Variants in TEX10 observed in about 807,000 individuals in gnomAD.
The protein encoded by TEX10 is testis-expressed protein 10.
TEX10 carries 24 observed loss-of-function variants against 104.4 expected under a neutral mutation model. The ratio of observed to expected loss-of-function variants is 0.23; its 90% CI spans 0.17 to 0.32. The LOEUF (loss-of-function observed/expected upper bound fraction) is 0.32, where lower values mean the gene tolerates loss of function less well. TEX10 is among the 10% of genes least tolerant of loss of function. The pLI, the probability that TEX10 is intolerant of heterozygous loss-of-function variation, is 1.00. For missense variants in TEX10, 921 were observed against 1,083.9 expected (o/e 0.85, Z 2.11); for synonymous variants, 396 against 393.4 (o/e 1.01, Z -0.08).
intron 8 of TEX10, among the ~76,000 whole-genome samples, chr9:100,327,374 TTA>T (rs1458600711): frequency 1.3e-5 from 2 of 151,752 alleles, no homozygotes; most frequent in African/African-American, 2.4e-5. Context: ...TACATCCCAG[TTA>T]TGTTTTAATA....
chr9:100,314,816 T>TA (rs529459956), intron 11 of TEX10, among the ~76,000 whole-genome samples: 80 of 152,350 alleles, frequency 5.3e-4, no homozygotes, highest in African/African-American at 1.9e-3. Context: ...GGTTGCTGAT[T>TA]AGTTATCTTT....
At chr9:100,330,635 G>A (rs1315563609) in intron 5 of TEX10, among the ~76,000 whole-genome samples, 1 of 152,130 alleles carries the variant, frequency 6.6e-6, no homozygotes, top group Non-Finnish European at 1.5e-5. Context: ...ACCCCGGTAA[G>A]CACTGATTTG....
In TEX10 at chr9:100,302,167, C is replaced by A; in HGVS notation, c.*24G>T. 10 of 1,393,484 alleles carry A rather than the reference C, an allele frequency of 7.2e-6. No individual in the cohort carries two copies. Among genetic ancestry groups the A allele is most frequent in the Non-Finnish European group, 9.8e-6 (10 of 1,015,704 alleles). 86.3% of individuals were successfully genotyped at this position (1,393,484 alleles called of 1,614,324 possible). Reference sequence around the variant, plus strand: ...TAAGATAGATGTGAATAAACAACTTCAAACAGGAGGTACTATGGCCTCTTC... The same window carrying A: ...TAAGATAGATGTGAATAAACAACTTAAAACAGGAGGTACTATGGCCTCTTC... On this transcript the variant is annotated 3_prime_UTR_variant, in exon 15 of 15. Transcript: ENST00000374902.
At chr9:100,302,984 CCAAA>C (rs1834043276) in intron 14 of TEX10, among the ~76,000 whole-genome samples, 3 of 148,032 alleles carry the variant, frequency 2.0e-5, no homozygotes, top group Non-Finnish European at 3.0e-5. Context: ...GCTGTCCCGG[CCAAA>C]CAGACACAGC....
In TEX10 at chr9:100,347,145, C is replaced by A. The variant is rs1422108978; in HGVS notation, c.442G>T (p.Ala148Ser). The change falls in exon 3 of 15, where the codon GCC becomes TCC. Residue 148 changes from alanine (A) to serine (S), a missense_variant. By Grantham distance (99) the Ala-to-Ser change is moderately conservative. Transcript: ENST00000374902. The stretch of plus-strand genomic sequence containing the variant: ...ATTCCTTCAGTAATGTGAGTCATGG[C>A]ACTAGAGAGATGGGCACTTACCAAA... ...FPLVSAHLSS[A>S]MTHITEGIQE... 1 of 1,614,116 alleles carries A rather than the reference C, an allele frequency of 6.2e-7. No homozygotes were observed. Among genetic ancestry groups the A allele is most frequent in the South Asian group, 1.1e-5 (1 of 91,084 alleles).
At chr9:100,310,839 T>C (rs1588164929) in intron 11 of TEX10, among the ~76,000 whole-genome samples, 1 of 152,196 alleles carries the variant, frequency 6.6e-6, no homozygotes, top group South Asian at 2.1e-4. Context: ...ATAGACCTTA[T>C]ATATGGCCTA....
At position 100,352,499 on chromosome 9, in the gene TEX10, C is replaced by G. The variant is rs1835481556; in HGVS notation, c.-10+273G>C. The G allele has an allele frequency of 2.6e-6, 4 of 1,551,172 alleles. No individual in the cohort carries two copies. In the East Asian group the frequency reaches 7.3e-5, roughly 28 times the overall value. ...AGAGTCGGGGAAGTGGGGCCCGATT[C>G]ACACACTCCGGGCTAAAACTCTCTC... On this transcript the variant is annotated intron_variant, in intron 1 of 14. Coordinates refer to ENST00000374902, the MANE Select transcript of TEX10 (RefSeq NM_017746.4).
chr9:100,315,630 T>C (rs775616206), intron 11 of TEX10, among the ~76,000 whole-genome samples: 13 of 152,248 alleles, frequency 8.5e-5, no homozygotes, highest in Non-Finnish European at 1.3e-4. Flanking sequence ...TGAGTATCTT[T>C]TACCACCTCT....
At chr9:100,334,664 TC>T (rs1834962182) in intron 5 of TEX10, among the ~76,000 whole-genome samples, 1 of 117,144 alleles carries the variant, frequency 8.5e-6, no homozygotes, top group Non-Finnish European at 1.7e-5. Context: ...CTCATTTTGT[TC>T]TTTTTTTTTT....
intron 1 of TEX10, chr9:100,352,411 G>A (rs554727305): frequency 5.4e-5 from 84 of 1,551,602 alleles, no homozygotes; most frequent in Non-Finnish European, 7.1e-5. Context: ...TCCCAGAGGC[G>A]AACACACCAT....
intron 4 of TEX10, among the ~76,000 whole-genome samples, chr9:100,341,582 A>G (rs1463067568): frequency 6.6e-6 from 1 of 152,052 alleles, no homozygotes; most frequent in East Asian, 1.9e-4. Context: ...AGATCCAGCT[A>G]GTTCTCATCA....
In TEX10 at chr9:100,313,440, G is replaced by A. The variant is rs571660074; in HGVS notation, c.2203-3061C>T. On this transcript the variant is annotated intron_variant, in intron 11 of 14. Transcript: ENST00000374902. ...TAAGGCAGGAGAATCGCTTGAACCCGGGAGGCAGAGGTTGCAGTGAGCAGA... is the reference window on the plus strand; with the variant it reads ...TAAGGCAGGAGAATCGCTTGAACCCAGGAGGCAGAGGTTGCAGTGAGCAGA... Among the ~76,000 whole-genome samples the A allele has an allele frequency of 5.4e-4, 82 of 151,568 alleles. 1 individual carries two copies. The highest frequency in any genetic ancestry group is 1.9e-3 in the South Asian group (9 of 4,790).
At chr9:100,311,672 C>T (rs1179297563) in intron 11 of TEX10, among the ~76,000 whole-genome samples, 1 of 152,092 alleles carries the variant, frequency 6.6e-6, no homozygotes, top group African/African-American at 2.4e-5. Context: ...AAGAAATCTG[C>T]ACAAAAAGTA....
chr9:100,305,268 G>A lies in TEX10; in HGVS notation c.2466-1426C>T, dbSNP rs1042619179. On this transcript the variant is annotated intron_variant, in intron 13 of 14. Transcript: ENST00000374902. ...AACCTGACTACCTCCAGGTCTAGAG[G>A]GAGCAGCCCCTTCACTATATAACCA... is the stretch of plus-strand genomic sequence containing the variant. The A allele has an allele frequency of 2.6e-5, 4 of 152,100 alleles. 1 individual carries two copies. Among genetic ancestry groups the A allele is most frequent in the African/African-American group, 9.7e-5 (4 of 41,420 alleles). 9.4% of individuals were successfully genotyped at this position (152,100 alleles called of 1,614,324 possible).
chr9:100,310,319 T>G lies in TEX10; in HGVS notation c.2263A>C (p.Ser755Arg), dbSNP rs531535288. The change falls in exon 12 of 15, where the codon AGT (serine) becomes CGT (arginine). Residue 755 changes from serine to arginine, a missense_variant. Transcript: ENST00000374902. ...ARSQNFDILQ[S>R]AISKHLVGLT... Reference sequence around the variant, plus strand: ...CTTACCAAATGCTTACTGATGGCACTTTGCAAGATGTCAAAGTTCTGACTT... The same window carrying G: ...CTTACCAAATGCTTACTGATGGCACGTTGCAAGATGTCAAAGTTCTGACTT... 6.2e-7 allele frequency: 1 copy of G among 1,614,114 alleles called. No homozygotes were observed. The highest frequency in any genetic ancestry group is 8.5e-7 in the Non-Finnish European group (1 of 1,179,998).
At chr9:100,344,512 C>A (rs1564220135) in intron 4 of TEX10, among the ~76,000 whole-genome samples, 1 of 115,186 alleles carries the variant, frequency 8.7e-6, no homozygotes. Context: ...TAATCAAACA[C>A]CGAAGAAGCT....
chr9:100,329,565 AAAG>A (rs1183970295), intron 6 of TEX10, among the ~76,000 whole-genome samples: 1 of 152,242 alleles, frequency 6.6e-6, no homozygotes, highest in African/African-American at 2.4e-5. Context: ...TTTTAAAATC[AAAG>A]AATTAGTAAG....
At chr9:100,321,365 C>T (rs943894890) in intron 10 of TEX10, among the ~76,000 whole-genome samples, 3 of 152,068 alleles carry the variant, frequency 2.0e-5, no homozygotes, top group African/African-American at 7.2e-5. Flanking sequence ...TCAAATAATA[C>T]ATTTAAAATA....
intron 2 of TEX10, 48 bp downstream of exon 2, chr9:100,349,136 C>G (rs41274961): frequency 2.1e-6 from 3 of 1,452,412 alleles, no homozygotes; most frequent in Non-Finnish European, 1.8e-6. Context: ...ACATTCTACA[C>G]GATTCCAAAG....
Sources: gnomAD v4.1 joint callset for allele counts (sites outside exome capture counted in the v4.1 genomes callset) on GRCh38, gnomAD v4.1.1 for gene constraint, MANE v1.5 for transcripts, NCBI Gene and HGNC (gene_info 2026-07-23, HGNC 2026-07-21) for gene names.